TMEM176B: variants seen among roughly 807,000 people sequenced by gnomAD.
The protein encoded by TMEM176B is transmembrane protein 176B.
A neutral mutation model predicts 30.3 loss-of-function variants in TMEM176B; 28 were observed. That is an observed-to-expected ratio of 0.92 (90% CI 0.68 to 1.27). TMEM176B has a LOEUF of 1.27. Among genes scored for constraint, TMEM176B ranks in the 50% most tolerant of loss-of-function variants. TMEM176B has a pLI of 0.00. For synonymous variants in TMEM176B, 123 were observed against 130.3 expected, an observed-to-expected ratio of 0.94 and a Z score of 0.38; for missense variants, 349 against 327.4, an observed-to-expected ratio of 1.07 and a Z score of -0.51.
At chr7:150,795,774 C>A (rs1238048392) in intron 2 of TMEM176B, among the ~76,000 whole-genome samples, 4 of 152,214 alleles carry the variant, frequency 2.6e-5, no homozygotes, top group Non-Finnish European at 2.9e-5. Flanking sequence ...ACACTTACAA[C>A]TTTTTCCTAC....
At position 150,793,076 on chromosome 7, in the gene TMEM176B, C is replaced by T. The variant is rs765397770; in HGVS notation, c.600+12G>A. On this transcript the variant is annotated intron_variant, in intron 5 of 6. Coordinates refer to ENST00000326442, the MANE Select transcript of TMEM176B (RefSeq NM_001101312.2). ...GTGATGGGTCCCCGAAGACTGGACT[C>T]TTCCTGCTCACCCTCAGCATCTGCA... 6.2e-7 allele frequency: 1 copy of T among 1,613,798 alleles called. No individual in the cohort carries two copies. The highest frequency in any genetic ancestry group is 1.1e-5 in the South Asian group (1 of 90,998).
In TMEM176B at chr7:150,793,159, T is replaced by G; in HGVS notation, c.529A>C (p.Arg177=). ...SDPVFPTTGY[R]WMRRSQENQW... ...TTCTCTTGACTTCGCCGCATCCATC[T>G]GTACCCAGTGGTAGGGAAGACAGGG... Residue 177 remains arginine, a synonymous_variant, in exon 5 of 7, where the codon AGA becomes CGA. Transcript: ENST00000326442. The G allele has an allele frequency of 1.2e-6, 2 of 1,614,240 alleles. No individual in the cohort carries two copies. Among genetic ancestry groups the G allele is most frequent in the Non-Finnish European group, 1.7e-6 (2 of 1,180,040 alleles).
intron 5 of TMEM176B, 80 bp downstream of exon 5, chr7:150,793,008 T>C (rs1585271814): frequency 7.2e-7 from 1 of 1,396,188 alleles, no homozygotes; most frequent in Non-Finnish European, 1.0e-6. Flanking sequence ...AGAGCCTACA[T>C]CTCTGTCCTC....
chr7:150,796,717 G>T, intron 1 of TMEM176B, 143 bp from the exon 2 acceptor site: 1 of 799,418 alleles, frequency 1.3e-6, no homozygotes, highest in East Asian at 2.7e-5. Context: ...CCAGTGCTTT[G>T]GGAGGCTGAG....
chr7:150,796,426 A>G lies in TMEM176B; in HGVS notation c.144T>C (p.Phe48=), dbSNP rs766615712. 1 of 1,614,076 alleles carries G rather than the reference A, an allele frequency of 6.2e-7. No individual in the cohort carries two copies. Among genetic ancestry groups the G allele is most frequent in the Admixed American group, 1.7e-5 (1 of 60,006 alleles). Reference sequence around the variant, plus strand: ...TGGAAGGCACAGTGTCCCCAGGGTGAAAAAGAAACTTCTTCAGAGAACCTC... The same window carrying G: ...TGGAAGGCACAGTGTCCCCAGGGTGGAAAAGAAACTTCTTCAGAGAACCTC... The part of the protein sequence containing the change: ...KAGGSLKKFL[F]HPGDTVPSTA... Residue 48 remains phenylalanine (F), a synonymous_variant, in exon 2 of 7, where the codon TTT becomes TTC. Coordinates refer to ENST00000326442, the MANE Select transcript of TMEM176B (RefSeq NM_001101312.2).
In TMEM176B at chr7:150,795,085, T is replaced by C. The variant is rs113124265; in HGVS notation, c.205-1014A>G. Among the ~76,000 whole-genome samples the C allele has an allele frequency of 8.0e-3, 1,225 of 152,256 alleles. 24 individuals carry two copies. The highest frequency in any genetic ancestry group is 0.028 in the African/African-American group (1,144 of 41,546). On this transcript the variant is annotated intron_variant, in intron 2 of 6. Coordinates refer to ENST00000326442, the MANE Select transcript of TMEM176B (RefSeq NM_001101312.2). The stretch of plus-strand genomic sequence containing the variant: ...TTCACTCCCATGCCATGGAGGTCTG[T>C]GAAGGACAGGGACTCCTTTGTCTCC...
chr7:150,792,253 C>A, intron 5 of TMEM176B, 78 bp from the exon 6 acceptor site: 11 of 1,569,136 alleles, frequency 7.0e-6, no homozygotes, highest in Non-Finnish European at 8.7e-6. Context: ...TCTCCACCCA[C>A]CCAGGCACTG....
At chr7:150,791,882 C>T (rs1755296211) in intron 6 of TMEM176B, among the ~76,000 whole-genome samples, 174 bp downstream of exon 6, 1 of 151,972 alleles carries the variant, frequency 6.6e-6, no homozygotes, top group Non-Finnish European at 1.5e-5. Context: ...GGCCCAGGAC[C>T]ATGGTGATGG....
intron 3 of TMEM176B, 150 bp from the exon 4 acceptor site, chr7:150,793,750 T>A (rs1798411343): frequency 1.1e-6 from 1 of 928,714 alleles, no homozygotes; most frequent in Admixed American, 2.2e-5. Flanking sequence ...GGATTCCACC[T>A]ATACCTGCCC....
intron 1 of TMEM176B, among the ~76,000 whole-genome samples, chr7:150,799,160 C>T (rs73163595): frequency 0.012 from 1,898 of 152,368 alleles, 12 homozygotes; most frequent in Non-Finnish European, 0.02. Context: ...CTGTTGCTGT[C>T]ATTCAGATGT....
intron 5 of TMEM176B, 96 bp from the exon 6 acceptor site, chr7:150,792,271 C>T (rs766667853): frequency 4.6e-5 from 70 of 1,512,202 alleles, no homozygotes; most frequent in Non-Finnish European, 5.8e-5. Flanking sequence ...CTGACTCTAT[C>T]CAGCTTGCTG....
At chr7:150,799,010 C>T (rs747080380) in intron 1 of TMEM176B, among the ~76,000 whole-genome samples, 1 of 152,094 alleles carries the variant, frequency 6.6e-6, no homozygotes, top group Non-Finnish European at 1.5e-5. Flanking sequence ...AGGACTTCCC[C>T]GTTTCGAGAT....
At chr7:150,796,223 C>A (rs761178844) in intron 2 of TMEM176B, 143 bp downstream of exon 2, 15 of 694,590 alleles carry the variant, frequency 2.2e-5, no homozygotes, top group Non-Finnish European at 3.4e-5. Context: ...ATACTGGAGA[C>A]CACCTGGTCT....
Position 150,792,092 on chromosome 7 carries a change from A to G in TMEM176B, c.684T>C (p.Gly228=). 6.2e-7 allele frequency: 1 copy of G among 1,613,892 alleles called. No individual in the cohort carries two copies. Among genetic ancestry groups the G allele is most frequent in the Non-Finnish European group, 8.5e-7 (1 of 1,179,930 alleles). Residue 228 remains glycine (G), a synonymous_variant, in exon 6 of 7, where the codon GGT becomes GGC. Coordinates refer to ENST00000326442, the MANE Select transcript of TMEM176B (RefSeq NM_001101312.2). The part of the protein sequence containing the change: ...VIVSLVSLGV[G]LRNLCGQSSQ... ...AGCTCTGGCCACACAAGTTTCGAAG[A>G]CCTACTCCCAAGGAAACCAAGGACA... is the stretch of plus-strand genomic sequence containing the variant.
At chr7:150,798,347 T>A (rs948033260) in intron 1 of TMEM176B, among the ~76,000 whole-genome samples, 38 of 152,308 alleles carry the variant, frequency 2.5e-4, no homozygotes, top group African/African-American at 8.9e-4. Context: ...GGTGGCGCGA[T>A]CTCGGCTCAC....
chr7:150,794,127 G>A (rs1798429629), intron 2 of TMEM176B, 56 bp from the exon 3 acceptor site: 1 of 1,438,470 alleles, frequency 7.0e-7, no homozygotes, highest in East Asian at 2.3e-5. Flanking sequence ...TGCCCCGGCT[G>A]CCCTGGGACC....
chr7:150,798,432 A>C (rs1009098248), intron 1 of TMEM176B, among the ~76,000 whole-genome samples: 6 of 152,060 alleles, frequency 3.9e-5, no homozygotes, highest in Admixed American at 6.5e-5. Flanking sequence ...CCCGCCATCA[A>C]GCCCAGCTAA....
chr7:150,793,180 C>T lies in TMEM176B; in HGVS notation c.508G>A (p.Val170Ile). Residue 170 changes from valine to isoleucine, a missense_variant, in exon 5 of 7, where the codon GTC becomes ATC. By Grantham distance (29) the Val-to-Ile change is conservative. Transcript: ENST00000326442. ...IDTVCDRSDP[V>I]FPTTGYRWMR... The stretch of plus-strand genomic sequence containing the variant: ...CATCTGTACCCAGTGGTAGGGAAGA[C>T]AGGGTCTGAGCGATCACACACAGTG... 6.2e-7 allele frequency: 1 copy of T among 1,614,238 alleles called. No homozygotes were observed. Among genetic ancestry groups the T allele is most frequent in the Non-Finnish European group, 8.5e-7 (1 of 1,180,044 alleles).
At chr7:150,792,454 G>A (rs1798352288) in intron 5 of TMEM176B, among the ~76,000 whole-genome samples, 1 of 152,198 alleles carries the variant, frequency 6.6e-6, no homozygotes, top group Admixed American at 6.5e-5. Context: ...ACAGTGACAG[G>A]GAAGCCCTTA....
Sources: gnomAD v4.1 joint callset for allele counts (sites outside exome capture counted in the v4.1 genomes callset) on GRCh38, gnomAD v4.1.1 for gene constraint, MANE v1.5 for transcripts, NCBI Gene and HGNC (gene_info 2026-07-23, HGNC 2026-07-21) for gene names.